CACNA1A: variants seen among roughly 807,000 people sequenced by gnomAD.
The protein encoded by CACNA1A is calcium voltage-gated channel subunit alpha1 A.
CACNA1A carries 57 observed loss-of-function variants against 262.4 expected under a neutral mutation model. That is an observed-to-expected ratio of 0.22 (90% CI 0.18 to 0.27). The LOEUF is 0.27. Ranked by LOEUF, CACNA1A falls within the 10% of genes least tolerant of loss-of-function variation. The pLI is 1.00. For missense variants in CACNA1A, 2,526 were observed against 3,562.8 expected (o/e 0.71, Z 7.41); for synonymous variants, 1,431 against 1,419.3 (o/e 1.01, Z -0.18).
chr19:13,295,132 A>G (rs1262357830), intron 19 of CACNA1A, among the ~76,000 whole-genome samples: 1 of 152,232 alleles, frequency 6.6e-6, no homozygotes, highest in African/African-American at 2.4e-5. Context: ...CAGTTGTGTG[A>G]CTGAACTCAC....
chr19:13,327,026 C>A (rs1382292513), intron 10 of CACNA1A, among the ~76,000 whole-genome samples: 4 of 151,784 alleles, frequency 2.6e-5, no homozygotes, highest in Admixed American at 2.6e-4. Flanking sequence ...GTAGCTGGGA[C>A]TACTGGCGTG....
chr19:13,216,675 C>T (rs111592782), intron 38 of CACNA1A, among the ~76,000 whole-genome samples: 1 of 5,756 alleles, frequency 1.7e-4, no homozygotes, highest in African/African-American at 1.3e-3. Flanking sequence ...ATCTATCTAT[C>T]TATCTATCTA....
intron 3 of CACNA1A, among the ~76,000 whole-genome samples, chr19:13,376,903 T>C (rs1364467755): frequency 6.9e-6 from 1 of 145,512 alleles, no homozygotes; most frequent in African/African-American, 2.5e-5. Context: ...ATATGTGATA[T>C]ATAATTTATA....
intron 3 of CACNA1A, among the ~76,000 whole-genome samples, chr19:13,412,732 C>T (rs1322361449): frequency 1.3e-5 from 2 of 152,262 alleles, no homozygotes; most frequent in South Asian, 4.1e-4. Context: ...CTGTCTCGGC[C>T]TCCCAAAGTG....
intron 25 of CACNA1A, chr19:13,262,520 G>C (rs554257056): frequency 1.9e-6 from 1 of 524,918 alleles, no homozygotes; most frequent in African/African-American, 1.9e-5. Flanking sequence ...TTCATCTAAA[G>C]AAAAACTGCC....
At chr19:13,428,701 T>G (rs1313893583) in intron 3 of CACNA1A, among the ~76,000 whole-genome samples, 1 of 152,156 alleles carries the variant, frequency 6.6e-6, no homozygotes, top group Non-Finnish European at 1.5e-5. Context: ...CCACGTCCAC[T>G]GGGATTCCCA....
At chr19:13,232,201 TCTC>T (rs200278943) in intron 34 of CACNA1A, among the ~76,000 whole-genome samples, 29 of 149,710 alleles carry the variant, frequency 1.9e-4, no homozygotes, top group African/African-American at 6.0e-4. Context: ...TCTCTCTCTC[TCTC>T]TTTTTTTTTT....
chr19:13,453,055 G>T (rs2060944144), intron 2 of CACNA1A, 40 bp from the exon 3 acceptor site: 1 of 1,611,334 alleles, frequency 6.2e-7, no homozygotes, highest in Admixed American at 1.7e-5. Context: ...CTTGGGCTGG[G>T]CAGATGTTGA....
At chr19:13,383,643 G>A (rs2059558556) in intron 3 of CACNA1A, among the ~76,000 whole-genome samples, 1 of 152,010 alleles carries the variant, frequency 6.6e-6, no homozygotes, top group South Asian at 2.1e-4. Context: ...TACTATATTG[G>A]CTGTCTCCTC....
intron 8 of CACNA1A, 100 bp from the exon 9 acceptor site, chr19:13,333,025 G>T: frequency 4.6e-6 from 4 of 877,656 alleles, no homozygotes; most frequent in Non-Finnish European, 5.5e-6. Context: ...ATTCTCTGCT[G>T]ACTGATGGTG....
chr19:13,213,011 T>C (rs1040803585), intron 40 of CACNA1A, among the ~76,000 whole-genome samples: 8 of 152,084 alleles, frequency 5.3e-5, no homozygotes, highest in African/African-American at 1.9e-4. Flanking sequence ...ACCCCACTGT[T>C]CCACAAGAGC....
intron 35 of CACNA1A, among the ~76,000 whole-genome samples, chr19:13,230,803 T>C (rs1322303624): frequency 6.7e-6 from 1 of 148,774 alleles, no homozygotes; most frequent in African/African-American, 2.5e-5. Flanking sequence ...TGAGACTCCA[T>C]TTCAAAGAAA....
Position 13,207,278 on chromosome 19 carries a change from C to A in CACNA1A, c.*35G>T. Reference sequence around the variant, plus strand: ...TCGGGTGGGGTGTGTGCGTGGGGTGCGTGGGGGGCCGGGCGGGCGCCACCT... The same window carrying A: ...TCGGGTGGGGTGTGTGCGTGGGGTGAGTGGGGGGCCGGGCGGGCGCCACCT... On this transcript the variant is annotated 3_prime_UTR_variant, in exon 47 of 47. Transcript: ENST00000360228. This position sits in a 1 kb window ranked among gnomAD's most constrained non-coding sequence, Gnocchi z 5.7. 1 of 1,516,956 alleles carries A rather than the reference C, an allele frequency of 6.6e-7. No homozygotes were observed. The highest frequency in any genetic ancestry group is 8.8e-7 in the Non-Finnish European group (1 of 1,137,392). The allele number at this position is 1,516,956 out of a possible 1,614,324, so 94.0% of individuals were successfully genotyped here.
rs1982990940 is a variant in CACNA1A at position 13,505,991 on chromosome 19, G to A, written c.234C>T (p.Leu78=). Residue 78 remains leucine (L), a synonymous_variant, in exon 1 of 47, where the codon CTC becomes CTT. Transcript: ENST00000360228. The part of the protein sequence containing the change: ...RQNCLTVNRS[L]FLFSEDNVVR... ...CCACGTTGTCTTCGCTGAAGAGGAA[G>A]AGAGACCGGTTAACCGTGAGGCAGT... The A allele has an allele frequency of 1.2e-6, 2 of 1,614,004 alleles. No homozygotes were observed. The highest frequency in any genetic ancestry group is 1.7e-6 in the Non-Finnish European group (2 of 1,179,902).
chr19:13,292,822 A>G (rs900296149), intron 19 of CACNA1A, among the ~76,000 whole-genome samples: 1 of 152,082 alleles, frequency 6.6e-6, no homozygotes, highest in Admixed American at 6.6e-5. Context: ...TTTAAAGCAG[A>G]TGAATGACTG....
In CACNA1A at chr19:13,261,466, A is replaced by T. The variant is rs752429858; in HGVS notation, c.4234T>A (p.Phe1412Ile). The change falls in exon 26 of 47, where the codon TTT becomes ATT. Residue 1412 changes from phenylalanine to isoleucine, a missense_variant. Physicochemically the swap from Phe to Ile is conservative, Grantham distance 21. This residue lies in a region of CACNA1A where 137 missense variants were observed against 377.7 expected (regional missense o/e 0.36). Transcript: ENST00000360228. ...GAGACCCACCGACAATCTTTCTCAA[A>T]CTCTTTGGACTCGTCAGTGCAGTGG... The part of the protein sequence containing the change: ...FFHCTDESKE[F>I]EKDCRGKYLL... 3.8e-6 allele frequency: 6 copies of T among 1,576,572 alleles called. No individual in the cohort carries two copies. The highest frequency in any genetic ancestry group is 5.2e-6 in the Non-Finnish European group (6 of 1,161,108).
Position 13,452,871 on chromosome 19 carries a change from C to T in CACNA1A, c.539+5G>A, listed in dbSNP as rs774335565. On this transcript the variant is annotated splice_donor_5th_base_variant and intron_variant, in intron 3 of 46. Transcript: ENST00000360228. ...AATCCAAAGCGTATAGCACGCGCCA[C>T]TTACCCCGTTAGCACCACCACAAAG... The T allele has an allele frequency of 6.2e-7, 1 of 1,613,520 alleles. No individual in the cohort carries two copies.
At chr19:13,414,048 A>AC (rs972197918) in intron 3 of CACNA1A, among the ~76,000 whole-genome samples, 1 of 151,874 alleles carries the variant, frequency 6.6e-6, no homozygotes, top group Admixed American at 6.6e-5. Context: ...ACATAGTGGG[A>AC]CCCCATCTCT....
chr19:13,232,079 C>T (rs2055682453), intron 34 of CACNA1A, among the ~76,000 whole-genome samples: 1 of 152,092 alleles, frequency 6.6e-6, no homozygotes, highest in Non-Finnish European at 1.5e-5. Context: ...ATACCAATGC[C>T]CGTGCCCCAC....
Sources: gnomAD v4.1 joint callset for allele counts (sites outside exome capture counted in the v4.1 genomes callset) on GRCh38, gnomAD v4.1.1 for gene constraint, gnomAD v4.1.1 regional missense constraint, Gnocchi (gnomAD v3.1) non-coding constraint, MANE v1.5 for transcripts, NCBI Gene and HGNC (gene_info 2026-07-23, HGNC 2026-07-21) for gene names.